Variants in PTPRD observed in about 807,000 individuals in gnomAD.
PTPRD encodes the protein protein tyrosine phosphatase receptor type D.
In PTPRD, 34 loss-of-function variants were observed where a neutral mutation model predicts 214.5. The ratio of observed to expected loss-of-function variants is 0.16; its 90% confidence interval spans 0.12 to 0.21. PTPRD has a LOEUF of 0.21. Among genes scored for constraint, PTPRD ranks in the 10% least tolerant of loss-of-function variants. The pLI, the probability that PTPRD is intolerant of heterozygous loss-of-function variation, is 1.00. For missense variants in PTPRD, 2,545 were observed against 2,398.7 expected, an observed-to-expected ratio of 1.06 and a Z score of -1.27; for synonymous variants, 1,128 against 845.7, an observed-to-expected ratio of 1.33 and a Z score of -5.79.
intron 11 of PTPRD, among the ~76,000 whole-genome samples, chr9:9,011,398 T>A (rs958915171): frequency 2.0e-5 from 3 of 152,146 alleles, no homozygotes; most frequent in African/African-American, 7.2e-5. Flanking sequence ...GTAAAATACA[T>A]ATTAACTGCA....
At chr9:8,568,146 A>T (rs1564406502) in intron 14 of PTPRD, among the ~76,000 whole-genome samples, 1 of 152,158 alleles carries the variant, frequency 6.6e-6, no homozygotes, top group East Asian at 1.9e-4. Context: ...AAAATCCAAT[A>T]GATTTTGGTT....
chr9:10,027,846 T>G (rs1311519942), intron 4 of PTPRD, among the ~76,000 whole-genome samples: 2 of 152,208 alleles, frequency 1.3e-5, no homozygotes, highest in Non-Finnish European at 2.9e-5. Flanking sequence ...TACTTTGATA[T>G]GAATTGCCTT....
At chr9:9,770,313 G>C (rs1437683857) in intron 5 of PTPRD, among the ~76,000 whole-genome samples, 1 of 152,134 alleles carries the variant, frequency 6.6e-6, no homozygotes, top group Middle Eastern at 3.2e-3. Context: ...TACAGCGTGA[G>C]AGAAATTTTA....
At chr9:10,139,440 C>T (rs1297542914) in intron 3 of PTPRD, among the ~76,000 whole-genome samples, 1 of 151,632 alleles carries the variant, frequency 6.6e-6, no homozygotes, top group Non-Finnish European at 1.5e-5. Flanking sequence ...ATTAAAATGC[C>T]CATACTTCCC....
intron 3 of PTPRD, among the ~76,000 whole-genome samples, chr9:10,258,430 T>A (rs1327361986): frequency 6.6e-6 from 1 of 152,198 alleles, no homozygotes; most frequent in East Asian, 1.9e-4. Context: ...TAAGAGGCTA[T>A]CTTGCCATAA....
At chr9:8,435,822 C>G (rs1354597222) in intron 35 of PTPRD, among the ~76,000 whole-genome samples, 3 of 152,160 alleles carry the variant, frequency 2.0e-5, no homozygotes, top group Non-Finnish European at 2.9e-5. Context: ...AGATAGCATT[C>G]AGCGCACCAT....
intron 11 of PTPRD, among the ~76,000 whole-genome samples, chr9:8,905,297 C>G (rs2098699891): frequency 6.6e-6 from 1 of 151,554 alleles, no homozygotes; most frequent in South Asian, 2.1e-4. Flanking sequence ...ATAAACTTGG[C>G]CTTTCCCTTG....
At chr9:9,622,645 C>T (rs187453746) in intron 7 of PTPRD, among the ~76,000 whole-genome samples, 94 of 151,620 alleles carry the variant, frequency 6.2e-4, no homozygotes, top group African/African-American at 1.9e-3. Flanking sequence ...CTGGGATCAC[C>T]GAAAAAAAGT....
chr9:10,019,321 T>C (rs1274016511), intron 4 of PTPRD, among the ~76,000 whole-genome samples: 1 of 152,152 alleles, frequency 6.6e-6, no homozygotes, highest in Non-Finnish European at 1.5e-5. Context: ...ACTTTTACAC[T>C]GTTGGTGGGA....
intron 2 of PTPRD, among the ~76,000 whole-genome samples, chr9:10,374,669 G>A (rs549907882): frequency 7.2e-5 from 11 of 152,116 alleles, no homozygotes; most frequent in East Asian, 1.9e-4. Context: ...AATATGAAGC[G>A]TGATGCAGTT....
rs148388150 is a variant in PTPRD at position 9,316,286 on chromosome 9, G to A, written c.-203+81163C>T. On this transcript the variant is annotated intron_variant, in intron 9 of 45. Transcript: ENST00000381196. The stretch of plus-strand genomic sequence containing the variant: ...TTATACTCACTGTTTCTACCACAGA[G>A]AAATACAATATCTGACAAGCAAACA... 4.9e-3 allele frequency among the ~76,000 whole-genome samples: 747 copies of A among 151,916 alleles called. 4 individuals are homozygous for A. The highest frequency in any genetic ancestry group is 0.017 in the African/African-American group (712 of 41,430).
In PTPRD at chr9:10,013,795, C is replaced by G. The variant is rs913992740; in HGVS notation, c.-472+19923G>C. ...CTTTTATGTTTTAAATTTCTGCTAG[C>G]TATTTTATATTTTGGTTCACATAAT... is the stretch of plus-strand genomic sequence containing the variant. On this transcript the variant is annotated intron_variant, in intron 4 of 45. Transcript: ENST00000381196. Among the ~76,000 whole-genome samples, 3 of 151,860 alleles carry G rather than the reference C, an allele frequency of 2.0e-5. No homozygotes were observed. The East Asian group carries it at 5.8e-4, about 29-fold the overall frequency.
intron 11 of PTPRD, among the ~76,000 whole-genome samples, chr9:9,004,882 T>C (rs1277542337): frequency 1.3e-5 from 2 of 152,048 alleles, no homozygotes; most frequent in Non-Finnish European, 2.9e-5. Context: ...AACTCCAAAC[T>C]GGGCTTATTT....
chr9:10,456,225 A>G (rs748243192), intron 2 of PTPRD, among the ~76,000 whole-genome samples: 8 of 151,904 alleles, frequency 5.3e-5, no homozygotes, highest in Non-Finnish European at 1.2e-4. Flanking sequence ...AAATACAACA[A>G]ATTAAATGGG....
At chr9:9,520,685 G>A (rs967417248) in intron 8 of PTPRD, among the ~76,000 whole-genome samples, 2 of 152,134 alleles carry the variant, frequency 1.3e-5, no homozygotes, top group African/African-American at 4.8e-5. Flanking sequence ...AAAGTAATTG[G>A]CAGCTGGAGA....
intron 3 of PTPRD, among the ~76,000 whole-genome samples, chr9:10,307,889 T>C (rs1173934188): frequency 6.6e-6 from 1 of 152,064 alleles, no homozygotes; most frequent in Non-Finnish European, 1.5e-5. Flanking sequence ...TCTATTCATA[T>C]CATTTGCCCT....
Position 8,500,965 on chromosome 9 carries a change from A to G in PTPRD, c.1917T>C (p.Asn639=). Residue 639 remains asparagine, a synonymous_variant, in exon 24 of 46, where the codon AAT becomes AAC. Transcript: ENST00000381196. ...TGATGGAGTATTCAGTGATAATGCCATTCTGTTTTTCCACTGGTGGAGGTT... is the reference window on the plus strand; with the variant it reads ...TGATGGAGTATTCAGTGATAATGCCGTTCTGTTTTTCCACTGGTGGAGGTT... ...SWQPPPVEKQ[N]GIITEYSIKY... 1 of 1,614,168 alleles carries G rather than the reference A, an allele frequency of 6.2e-7. No homozygotes were observed. The highest frequency in any genetic ancestry group is 8.5e-7 in the Non-Finnish European group (1 of 1,180,022).
chr9:8,590,266 A>G (rs772522593), intron 14 of PTPRD, among the ~76,000 whole-genome samples: 8 of 152,312 alleles, frequency 5.3e-5, no homozygotes, highest in African/African-American at 9.6e-5. Flanking sequence ...TAAATATGAC[A>G]TAAGAGCTCT....
At chr9:9,853,842 C>T (rs1469921415) in intron 5 of PTPRD, among the ~76,000 whole-genome samples, 8 of 152,282 alleles carry the variant, frequency 5.3e-5, no homozygotes, top group African/African-American at 1.9e-4. Flanking sequence ...AGGCGTGAGC[C>T]ACCACGCCAG....
Sources: gnomAD v4.1 joint callset for allele counts (sites outside exome capture counted in the v4.1 genomes callset) on GRCh38, gnomAD v4.1.1 for gene constraint, MANE v1.5 for transcripts, NCBI Gene and HGNC (gene_info 2026-07-23, HGNC 2026-07-21) for gene names.